Variants in FCHSD2 observed in about 807,000 individuals in gnomAD.
FCHSD2 encodes FCH and double SH3 domains 2.
A neutral mutation model predicts 108.1 loss-of-function variants in FCHSD2; 38 were observed. That is an observed-to-expected ratio of 0.35 (90% CI 0.27 to 0.46). The LOEUF (loss-of-function observed/expected upper bound fraction) is 0.46. FCHSD2 is among the 20% of genes least tolerant of loss of function. The pLI is 1.00. For missense variants in FCHSD2, 751 were observed against 897.8 expected (o/e 0.84, Z 2.09); for synonymous variants, 279 against 314.7 (o/e 0.89, Z 1.20).
chr11:73,015,361 A>T (rs919125512), intron 4 of FCHSD2, among the ~76,000 whole-genome samples: 3 of 152,212 alleles, frequency 2.0e-5, no homozygotes, highest in Non-Finnish European at 1.5e-5. Context: ...CTTACAATAC[A>T]TTAGAAAGTT....
intron 3 of FCHSD2, among the ~76,000 whole-genome samples, chr11:73,025,663 AAATAG>A (rs1312948067): frequency 2.0e-5 from 3 of 152,200 alleles, no homozygotes; most frequent in Non-Finnish European, 4.4e-5. Context: ...AAAATTAAAT[AAATAG>A]AATTTTAAAA....
chr11:73,033,262 T>C lies in FCHSD2; in HGVS notation c.166-17377A>G, dbSNP rs185682464. On this transcript the variant is annotated intron_variant, in intron 3 of 19. Coordinates refer to ENST00000409418, the MANE Select transcript of FCHSD2 (RefSeq NM_014824.3). Reference sequence around the variant, plus strand: ...GAGATCGCGCCACTGCACTCCAGCCTGGGCAACAGAGCGAGATTCCGACTC... The same window carrying C: ...GAGATCGCGCCACTGCACTCCAGCCCGGGCAACAGAGCGAGATTCCGACTC... Among the ~76,000 whole-genome samples, 258 of 145,296 alleles carry C rather than the reference T, an allele frequency of 1.8e-3. 3 individuals are homozygous for C. Among genetic ancestry groups the C allele is most frequent in the Non-Finnish European group, 1.5e-3 (98 of 66,606 alleles).
chr11:73,005,902 CTTT>C (rs56872243), intron 4 of FCHSD2, among the ~76,000 whole-genome samples: 70 of 125,648 alleles, frequency 5.6e-4, no homozygotes, highest in African/African-American at 1.9e-3. Flanking sequence ...TATTCCTAAA[CTTT>C]TTTTTTTTTT....
At chr11:72,842,936 C>A in intron 16 of FCHSD2, 95 bp from the exon 17 acceptor site, 1 of 1,001,594 alleles carries the variant, frequency 1.0e-6, no homozygotes, top group Non-Finnish European at 1.5e-6. Flanking sequence ...AAAAGAGCAT[C>A]ATACAGAATA....
At chr11:72,897,481 G>A (rs979286232) in intron 10 of FCHSD2, among the ~76,000 whole-genome samples, 1 of 152,062 alleles carries the variant, frequency 6.6e-6, no homozygotes, top group Admixed American at 6.6e-5. Context: ...TATGAAGGAT[G>A]TGCACAGGTT....
chr11:72,860,714 G>A (rs558641437), intron 13 of FCHSD2, among the ~76,000 whole-genome samples: 107 of 152,104 alleles, frequency 7.0e-4, no homozygotes, highest in African/African-American at 2.4e-3. Context: ...GCGTGGTGGT[G>A]CTGGGAGGCT....
intron 2 of FCHSD2, among the ~76,000 whole-genome samples, chr11:73,137,791 G>A (rs896074150): frequency 6.6e-6 from 1 of 152,172 alleles, no homozygotes; most frequent in Non-Finnish European, 1.5e-5. Flanking sequence ...CTGACGTCCC[G>A]AGTGACCAGA....
chr11:72,997,689 C>T (rs919586390), intron 5 of FCHSD2, among the ~76,000 whole-genome samples: 3 of 152,044 alleles, frequency 2.0e-5, no homozygotes, highest in African/African-American at 7.2e-5. Context: ...ATTAAGATTC[C>T]AAAATATGAG....
chr11:72,850,827 C>T (rs528226975), intron 13 of FCHSD2, among the ~76,000 whole-genome samples: 35 of 151,666 alleles, frequency 2.3e-4, no homozygotes, highest in African/African-American at 7.0e-4. Flanking sequence ...TGGTGGCTCA[C>T]GCCTGTAATC....
intron 13 of FCHSD2, among the ~76,000 whole-genome samples, chr11:72,864,637 C>T (rs1353268347): frequency 2.0e-5 from 3 of 152,106 alleles, no homozygotes; most frequent in Admixed American, 2.0e-4. Flanking sequence ...AGGAAATACA[C>T]CAAATTGCTA....
chr11:72,922,508 C>T (rs1000840498), intron 8 of FCHSD2, among the ~76,000 whole-genome samples: 2 of 151,834 alleles, frequency 1.3e-5, no homozygotes, highest in Non-Finnish European at 2.9e-5. Flanking sequence ...TTCTTATTTC[C>T]TTAAACATTT....
chr11:72,872,666 ATAC>A (rs530075772), intron 12 of FCHSD2, among the ~76,000 whole-genome samples: 127 of 152,294 alleles, frequency 8.3e-4, no homozygotes, highest in Non-Finnish European at 1.5e-3. Flanking sequence ...TTGTATGGAT[ATAC>A]ATTAGAATGT....
Position 72,867,916 on chromosome 11 carries a change from A to C in FCHSD2, c.1257T>G (p.Asn419Lys), listed in dbSNP as rs1482710902. ...AMNQVMEELE[N>K]ERWARPPAVT... ...CTGCAGGAGGGCGGGCCCATCGCTC[A>C]TTTTCCAGTTCTTCCATTACTTGGT... Residue 419 changes from asparagine to lysine, a missense_variant, in exon 13 of 20, where the codon AAT (asparagine) becomes AAG (lysine). Coordinates refer to ENST00000409418, the MANE Select transcript of FCHSD2 (RefSeq NM_014824.3). 6.2e-7 allele frequency: 1 copy of C among 1,611,444 alleles called. No individual in the cohort carries two copies. Among genetic ancestry groups the C allele is most frequent in the East Asian group, 2.2e-5 (1 of 44,894 alleles).
chr11:72,857,676 G>A (rs138317587), intron 13 of FCHSD2, among the ~76,000 whole-genome samples: 25 of 150,864 alleles, frequency 1.7e-4, no homozygotes, highest in African/African-American at 6.1e-4. Flanking sequence ...TCTTGAACTC[G>A]TGACCTCAGA....
At chr11:72,880,889 A>G (rs1855070977) in intron 12 of FCHSD2, among the ~76,000 whole-genome samples, 1 of 151,860 alleles carries the variant, frequency 6.6e-6, no homozygotes. Flanking sequence ...AAAGAAAACA[A>G]CAACAACAAC....
chr11:72,916,888 T>TA (rs1317620666), intron 9 of FCHSD2, among the ~76,000 whole-genome samples: 6 of 152,128 alleles, frequency 3.9e-5, no homozygotes, highest in African/African-American at 1.2e-4. Context: ...CTATCTCTGT[T>TA]TTCTCTTATA....
At chr11:73,081,237 C>T (rs1448141809) in intron 3 of FCHSD2, among the ~76,000 whole-genome samples, 2 of 152,082 alleles carry the variant, frequency 1.3e-5, no homozygotes, top group Non-Finnish European at 2.9e-5. Flanking sequence ...AGATCGAGAT[C>T]ATCTTGCCCA....
At chr11:73,135,919 T>C (rs1861110136) in intron 2 of FCHSD2, among the ~76,000 whole-genome samples, 1 of 152,118 alleles carries the variant, frequency 6.6e-6, no homozygotes. Flanking sequence ...ATCCCAGCAC[T>C]TTGGGAGGCT....
chr11:72,947,118 T>C (rs1035611021), intron 8 of FCHSD2, among the ~76,000 whole-genome samples: 2 of 152,334 alleles, frequency 1.3e-5, no homozygotes, highest in South Asian at 4.1e-4. Flanking sequence ...GCATGCCCCA[T>C]GGGGCCAACA....
Sources: allele counts gnomAD v4.1 joint callset (sites outside exome capture counted in the v4.1 genomes callset), GRCh38; gene constraint gnomAD v4.1.1; transcripts MANE v1.5; gene names NCBI Gene and HGNC (gene_info 2026-07-23, HGNC 2026-07-21).